Variants in PCDHGA5 observed in about 807,000 individuals in gnomAD.
The protein encoded by PCDHGA5 is protocadherin gamma-A5.
PCDHGA5 carries 36 observed loss-of-function variants against 56.7 expected under a neutral mutation model. The observed-to-expected ratio is 0.64, with a 90% CI of 0.49 to 0.84. The LOEUF (loss-of-function observed/expected upper bound fraction) is 0.84. Ranked by LOEUF, PCDHGA5 falls within the 40% of genes least tolerant of loss-of-function variation. PCDHGA5 has a pLI of 0.00. For missense variants in PCDHGA5, 1,305 were observed against 1,201.5 expected, an observed-to-expected ratio of 1.09 and a Z score of -1.27; for synonymous variants, 563 against 520.2, an observed-to-expected ratio of 1.08 and a Z score of -1.12.
At chr5:141,462,039 T>A (rs569871892) in intron 1 of PCDHGA5, among the ~76,000 whole-genome samples, 1 of 152,276 alleles carries the variant, frequency 6.6e-6, no homozygotes, top group Non-Finnish European at 1.5e-5. Flanking sequence ...GTCAGGCGGG[T>A]CTTGAACTCC....
At chr5:141,410,170 C>A in intron 1 of PCDHGA5, 1 of 1,613,828 alleles carries the variant, frequency 6.2e-7, no homozygotes, top group African/African-American at 1.3e-5. Context: ...CACTCTCTGC[C>A]ACCGCCACGC....
At chr5:141,427,396 A>G (rs1303085720) in intron 1 of PCDHGA5, 1 of 460,578 alleles carries the variant, frequency 2.2e-6, no homozygotes, top group Non-Finnish European at 4.4e-6. Context: ...AAAACACATG[A>G]TAAAGATTCG....
chr5:141,400,699 A>G (rs1040547233), intron 1 of PCDHGA5: 1 of 733,556 alleles, frequency 1.4e-6, no homozygotes, highest in Non-Finnish European at 2.2e-6. Flanking sequence ...TATGTCGCAT[A>G]AAAGAAGTAG....
intron 1 of PCDHGA5, chr5:141,399,640 G>A: frequency 6.2e-7 from 1 of 1,613,836 alleles, no homozygotes; most frequent in Non-Finnish European, 8.5e-7. Flanking sequence ...GTCCATGAGC[G>A]CGCAAAGTGG....
In PCDHGA5 at chr5:141,384,637, C is replaced by T. The variant is rs764454496; in HGVS notation, c.2421+17886C>T. On this transcript the variant is annotated intron_variant, in intron 1 of 3. Transcript: ENST00000518069. ...TTCTACTGGCATGGAGCTGGCACCC[C>T]GCTCCGCAGAGCCCGGCTACCTGGT... is the stretch of plus-strand genomic sequence containing the variant. The T allele has an allele frequency of 1.7e-5, 28 of 1,614,114 alleles. No individual in the cohort carries two copies. The highest frequency in any genetic ancestry group is 1.6e-4 in the Middle Eastern group (1 of 6,082).
chr5:141,413,839 G>T (rs971599906), intron 1 of PCDHGA5: 1 of 1,613,310 alleles, frequency 6.2e-7, no homozygotes, highest in African/African-American at 1.3e-5. Flanking sequence ...CTCCGACGGG[G>T]GTGACCCTCT....
chr5:141,415,404 C>T, intron 1 of PCDHGA5: 1 of 1,614,238 alleles, frequency 6.2e-7, no homozygotes, highest in Non-Finnish European at 8.5e-7. Context: ...CCGGCTCGCA[C>T]TTTGTGGGCG....
Position 141,487,893 on chromosome 5 carries a change from G to A in PCDHGA5, c.2422-6914G>A. Reference sequence around the variant, plus strand: ...AGCCAGGCTGTTGTGGAAGCATGATGATGGAATGTGGGAGCACAGGAGGCT... The same window carrying A: ...AGCCAGGCTGTTGTGGAAGCATGATAATGGAATGTGGGAGCACAGGAGGCT... On this transcript the variant is annotated intron_variant, in intron 1 of 3. Coordinates refer to ENST00000518069, the MANE Select transcript of PCDHGA5 (RefSeq NM_018918.3). The surrounding 1 kb of genome is among the most constrained non-coding windows in gnomAD (Gnocchi z 5.0). The A allele has an allele frequency of 1.4e-6, 1 of 731,472 alleles. No individual in the cohort carries two copies. The highest frequency in any genetic ancestry group is 2.2e-6 in the Non-Finnish European group (1 of 450,166). 45.3% of individuals were successfully genotyped at this position (731,472 alleles called of 1,614,324 possible). A position where few individuals can be genotyped will look rare whatever the true frequency, so the allele number is the denominator to read the frequency against.
chr5:141,401,350 A>G (rs1046893336), intron 1 of PCDHGA5, among the ~76,000 whole-genome samples: 2 of 152,226 alleles, frequency 1.3e-5, no homozygotes, highest in Non-Finnish European at 2.9e-5. Flanking sequence ...CTCAAAAAAA[A>G]GGAAGGAGAA....
chr5:141,413,150 T>C, intron 1 of PCDHGA5: 1 of 1,573,292 alleles, frequency 6.4e-7, no homozygotes. Context: ...AGTGAGGACT[T>C]TGCAGAATTC....
chr5:141,500,937 C>G (rs910002814), intron 2 of PCDHGA5, among the ~76,000 whole-genome samples: 1 of 151,804 alleles, frequency 6.6e-6, no homozygotes, highest in Non-Finnish European at 1.5e-5. Context: ...GGCGCCATCT[C>G]GGCTCACTGC....
chr5:141,413,652 G>T, intron 1 of PCDHGA5: 4 of 1,613,780 alleles, frequency 2.5e-6, no homozygotes, highest in Non-Finnish European at 3.4e-6. Context: ...TTCCTCTCCC[G>T]GAAGCTATTG....
In PCDHGA5 at chr5:141,491,463, C is replaced by CT. The variant is rs765984397; in HGVS notation, c.2422-3343dup. The CT allele has an allele frequency of 6.2e-7, 1 of 1,614,112 alleles. No homozygotes were observed. Among genetic ancestry groups the CT allele is most frequent in the Non-Finnish European group, 8.5e-7 (1 of 1,180,010 alleles). ...GCCAGGACTCACCCTCCCCGGACTT[C>CT]TATAAGCAGTCCAGCCCCAACCTGC... On this transcript the variant is annotated intron_variant, in intron 1 of 3. Coordinates refer to ENST00000518069, the MANE Select transcript of PCDHGA5 (RefSeq NM_018918.3). This position sits in a 1 kb window ranked among gnomAD's most constrained non-coding sequence, Gnocchi z 6.9.
rs773474154 is a variant in PCDHGA5, at chr5:141,477,751, G to A, written c.2422-17056G>A. The A allele has an allele frequency of 5.0e-6, 8 of 1,613,712 alleles. No individual in the cohort carries two copies. The highest frequency in any genetic ancestry group is 6.8e-6 in the Non-Finnish European group (8 of 1,180,030). ...CTCATATCAGCGATGGGGGCACCCC[G>A]GTCCTAGCCACCAACATCAGCGTGA... On this transcript the variant is annotated intron_variant, in intron 1 of 3. Transcript: ENST00000518069. The surrounding 1 kb of genome is among the most constrained non-coding windows in gnomAD (Gnocchi z 4.9).
intron 1 of PCDHGA5, among the ~76,000 whole-genome samples, chr5:141,444,703 T>A (rs963617867): frequency 6.6e-6 from 1 of 152,248 alleles, no homozygotes; most frequent in Non-Finnish European, 1.5e-5. Context: ...TTCCTCTTTC[T>A]GTTGAATTTG....
intron 1 of PCDHGA5, among the ~76,000 whole-genome samples, chr5:141,397,240 T>C (rs1291416263): frequency 6.6e-6 from 1 of 152,176 alleles, no homozygotes; most frequent in Non-Finnish European, 1.5e-5. Flanking sequence ...AAGAGCAACG[T>C]AGTAGGGTAT....
Position 141,418,176 on chromosome 5 carries a change from T to G in PCDHGA5, c.2421+51425T>G, listed in dbSNP as rs1197334192. 1 of 1,614,078 alleles carries G rather than the reference T, an allele frequency of 6.2e-7. No individual in the cohort carries two copies. Among genetic ancestry groups the G allele is most frequent in the Non-Finnish European group, 8.5e-7 (1 of 1,179,908 alleles). On this transcript the variant is annotated intron_variant, in intron 1 of 3. Coordinates refer to ENST00000518069, the MANE Select transcript of PCDHGA5 (RefSeq NM_018918.3). ...GAGAGAAGAAGATGTGAGTTGCAAT[T>G]GGAAGCTGTGGTGGAAAATCCTTTA...
In PCDHGA5 at chr5:141,454,796, A is replaced by ATTTT. The variant is rs61612330; in HGVS notation, c.2422-39985_2422-39982dup. Among the ~76,000 whole-genome samples, 123 of 77,452 alleles carry ATTTT rather than the reference A, an allele frequency of 1.6e-3. 16 individuals are homozygous for ATTTT. The highest frequency in any genetic ancestry group is 7.2e-3 in the South Asian group (14 of 1,958). 50.8% of individuals were successfully genotyped at this position (77,452 alleles called of 152,430 possible). On this transcript the variant is annotated intron_variant, in intron 1 of 3. Coordinates refer to ENST00000518069, the MANE Select transcript of PCDHGA5 (RefSeq NM_018918.3). ...AAGGAAATAATCCTCCATGGTTCTAATTTTTTTTTTTTTTTTTTTTTTTTT... is the reference window on the plus strand; with the variant it reads ...AAGGAAATAATCCTCCATGGTTCTAATTTTTTTTTTTTTTTTTTTTTTTTTTTTT...
chr5:141,409,945 T>C (rs777813706), intron 1 of PCDHGA5: 11 of 1,613,312 alleles, frequency 6.8e-6, no homozygotes, highest in Non-Finnish European at 9.3e-6. Flanking sequence ...TACCTCGCTC[T>C]GCAGAGCCCG....
Sources: gnomAD v4.1 joint callset for allele counts (sites outside exome capture counted in the v4.1 genomes callset) on GRCh38, gnomAD v4.1.1 for gene constraint, Gnocchi (gnomAD v3.1) non-coding constraint, MANE v1.5 for transcripts, NCBI Gene and HGNC (gene_info 2026-07-23, HGNC 2026-07-21) for gene names.